VPS13B: variants seen among roughly 807,000 people sequenced by gnomAD.
VPS13B encodes the protein vacuolar protein sorting 13 homolog B, also known as intermembrane lipid transfer protein VPS13B.
In VPS13B, 285 loss-of-function variants were observed where a neutral mutation model predicts 426.4. The ratio of observed to expected loss-of-function variants is 0.67; its 90% CI spans 0.61 to 0.74. The LOEUF (loss-of-function observed/expected upper bound fraction) is 0.74. Ranked by LOEUF, VPS13B falls within the 30% of genes least tolerant of loss-of-function variation. The probability of loss-of-function intolerance (pLI) is 0.00; values close to 1 mark genes in which losing one functional copy is unlikely to be tolerated. For synonymous variants in VPS13B, 1,676 were observed against 1,676.4 expected, an observed-to-expected ratio of 1.00 and a Z score of 0.01; for missense variants, 4,537 against 4,782.6, an observed-to-expected ratio of 0.95 and a Z score of 1.51.
At chr8:99,193,635 T>G (rs996714724) in intron 17 of VPS13B, among the ~76,000 whole-genome samples, 8 of 152,166 alleles carry the variant, frequency 5.3e-5, no homozygotes, top group African/African-American at 1.7e-4. Context: ...TAATGTTATG[T>G]TTGTCAGTAA....
In VPS13B at chr8:99,511,345, T is replaced by C; in HGVS notation, c.4466T>C (p.Ile1489Thr). 6.2e-7 allele frequency: 1 copy of C among 1,614,030 alleles called. No individual in the cohort carries two copies. Among genetic ancestry groups the C allele is most frequent in the Non-Finnish European group, 8.5e-7 (1 of 1,179,982 alleles). ...CCTTTACTTAATGCCATTGCAAGTA[T>C]ATTTCAAGCAAAACTACCAAAGACC... ...YFPLLNAIAS[I>T]FQAKLPKTQK... Residue 1489 changes from isoleucine to threonine, a missense_variant, in exon 29 of 62, where the codon ATA (isoleucine) becomes ACA (threonine). This residue lies in a region of VPS13B where 4,311 missense variants were observed against 4,474.3 expected (regional missense o/e 0.96). Transcript: ENST00000357162.
chr8:99,272,009 A>G (rs1279596014), intron 17 of VPS13B, among the ~76,000 whole-genome samples: 1 of 152,232 alleles, frequency 6.6e-6, no homozygotes, highest in Non-Finnish European at 1.5e-5. Flanking sequence ...TGCTTGTTAA[A>G]TGCAGAATTC....
chr8:99,840,164 G>A (rs1815608666), intron 54 of VPS13B, among the ~76,000 whole-genome samples: 1 of 152,198 alleles, frequency 6.6e-6, no homozygotes, highest in African/African-American at 2.4e-5. Flanking sequence ...GGTCTAACCA[G>A]CTATTAACTC....
chr8:99,032,209 C>T (rs932266733), intron 2 of VPS13B, among the ~76,000 whole-genome samples: 3 of 152,202 alleles, frequency 2.0e-5, no homozygotes, highest in African/African-American at 7.2e-5. Flanking sequence ...AGAAGATCTT[C>T]ATTACTTCCT....
intron 51 of VPS13B, 27 bp from the exon 52 acceptor site, chr8:99,832,342 T>A: frequency 3.0e-6 from 1 of 329,178 alleles, no homozygotes; most frequent in Non-Finnish European, 4.5e-6. Context: ...GCTCTCTGCA[T>A]TTTTTTTTTT....
At position 99,868,429 on chromosome 8, in the gene VPS13B, G is replaced by A. The variant is rs768255145; in HGVS notation, c.11356G>A (p.Gly3786Arg). The stretch of plus-strand genomic sequence containing the variant: ...CATGGGGGTGTTCACAAAGCCCATC[G>A]GAGGAGCTGCTGAGCTGGTGTCACA... ...GIMGVFTKPI[G>R]GAAELVSQTG... Residue 3786 changes from glycine (G) to arginine (R), a missense_variant, in exon 59 of 62, where the codon GGA becomes AGA. Gly to Arg is a moderately radical substitution (Grantham distance 125). Coordinates refer to ENST00000357162, the MANE Select transcript of VPS13B (RefSeq NM_152564.5). The A allele has an allele frequency of 8.1e-6, 13 of 1,613,794 alleles. No individual in the cohort carries two copies. The highest frequency in any genetic ancestry group is 2.2e-5 in the South Asian group (2 of 90,950).
At position 99,778,988 on chromosome 8, in the gene VPS13B, A is replaced by T. The variant is rs1345675196; in HGVS notation, c.7736A>T (p.His2579Leu). ...VDSVFVNLGQ[H>L]VVHSLNTAIQ... The stretch of plus-strand genomic sequence containing the variant: ...TCTGTATTTGTAAACCTTGGACAGC[A>T]TGTAGTCCATTCACTAAACACTGCA... The change falls in exon 42 of 62, where the codon CAT becomes CTT. Residue 2579 changes from histidine to leucine, a missense_variant. His to Leu is a moderately conservative substitution (Grantham distance 99). This residue lies in a region of VPS13B where 4,311 missense variants were observed against 4,474.3 expected (regional missense o/e 0.96). Coordinates refer to ENST00000357162, the MANE Select transcript of VPS13B (RefSeq NM_152564.5). 6.2e-7 allele frequency: 1 copy of T among 1,613,840 alleles called. No homozygotes were observed.
chr8:99,447,368 G>A (rs1375798447), intron 23 of VPS13B, among the ~76,000 whole-genome samples: 6 of 152,168 alleles, frequency 3.9e-5, no homozygotes, highest in African/African-American at 1.4e-4. Context: ...GTTTGTGAGA[G>A]GATCATATAA....
Position 99,154,986 on chromosome 8 carries a change from T to G in VPS13B, c.2014-1563T>G, listed in dbSNP as rs532455428. ...AATAGACTTAGAGATGATTAAGGTA[T>G]TAGAGTTGTTAGACATGGAGTTTAT... On this transcript the variant is annotated intron_variant, in intron 14 of 61. Coordinates refer to ENST00000357162, the MANE Select transcript of VPS13B (RefSeq NM_152564.5). Among the ~76,000 whole-genome samples, 3 of 151,964 alleles carry G rather than the reference T, an allele frequency of 2.0e-5. No individual in the cohort carries two copies. In the South Asian group the frequency reaches 6.2e-4, roughly 32 times the overall value.
At chr8:99,278,870 G>C (rs1351187387) in intron 19 of VPS13B, among the ~76,000 whole-genome samples, 1 of 152,174 alleles carries the variant, frequency 6.6e-6, no homozygotes, top group Non-Finnish European at 1.5e-5. Context: ...GACTAACTCT[G>C]ATTAACAGCA....
At chr8:99,820,190 G>A (rs556361191) in intron 49 of VPS13B, 68 bp downstream of exon 49, 76 of 1,468,622 alleles carry the variant, frequency 5.2e-5, no homozygotes, top group Admixed American at 1.2e-4. Flanking sequence ...GTAAAGTTGC[G>A]TTTATGATCT....
chr8:99,452,208 G>A (rs977568389), intron 23 of VPS13B, among the ~76,000 whole-genome samples: 3 of 152,122 alleles, frequency 2.0e-5, no homozygotes, highest in Admixed American at 6.6e-5. Context: ...TCCTATCACA[G>A]TGCCTTAGCA....
intron 15 of VPS13B, among the ~76,000 whole-genome samples, chr8:99,163,624 C>T (rs1489784368): frequency 2.6e-5 from 4 of 152,234 alleles, no homozygotes; most frequent in South Asian, 2.1e-4. Context: ...AGTACACCCT[C>T]GGCAGCCACT....
chr8:99,845,137 T>C (rs913340250), intron 54 of VPS13B, among the ~76,000 whole-genome samples: 1 of 152,208 alleles, frequency 6.6e-6, no homozygotes, highest in Non-Finnish European at 1.5e-5. Context: ...CAGGGTCTCC[T>C]GTTGTAGGAT....
chr8:99,601,095 A>G (rs1827277096), intron 33 of VPS13B, among the ~76,000 whole-genome samples: 1 of 151,838 alleles, frequency 6.6e-6, no homozygotes, highest in South Asian at 2.1e-4. Flanking sequence ...GGTTTGCTGC[A>G]CCCATCAACC....
At chr8:99,568,241 GA>G (rs36082841) in intron 31 of VPS13B, among the ~76,000 whole-genome samples, 1 of 150,190 alleles carries the variant, frequency 6.7e-6, no homozygotes, top group East Asian at 1.9e-4. Context: ...TGCTCTTGTT[GA>G]AAAAAAAGCC....
chr8:99,697,221 C>A, intron 35 of VPS13B: 1 of 569,726 alleles, frequency 1.8e-6, no homozygotes, highest in Non-Finnish European at 3.2e-6. Context: ...CAAGGTAAAG[C>A]TGGAGGTCAC....
Position 99,721,040 on chromosome 8 carries a change from T to C in VPS13B, c.7043T>C (p.Val2348Ala). 6.2e-7 allele frequency: 1 copy of C among 1,613,972 alleles called. No homozygotes were observed. The highest frequency in any genetic ancestry group is 8.5e-7 in the Non-Finnish European group (1 of 1,179,914). ...PDISTADLGD[V>A]LQVPCSLEYW... ...ATTAGCACAGCAGACCTTGGTGATG[T>C]GCTACAGGTATGTAATGACCATTCA... Residue 2348 changes from valine (V) to alanine (A), a missense_variant, in exon 39 of 62, where the codon GTG (valine) becomes GCG (alanine). Coordinates refer to ENST00000357162, the MANE Select transcript of VPS13B (RefSeq NM_152564.5).
chr8:99,592,247 C>T (rs575233591), intron 33 of VPS13B, among the ~76,000 whole-genome samples: 3 of 152,012 alleles, frequency 2.0e-5, no homozygotes, highest in Non-Finnish European at 4.4e-5. Flanking sequence ...AGCTTCCTTG[C>T]GATGCATTCG....
Sources: gnomAD v4.1 joint callset for allele counts (sites outside exome capture counted in the v4.1 genomes callset) on GRCh38, gnomAD v4.1.1 for gene constraint, gnomAD v4.1.1 regional missense constraint, MANE v1.5 for transcripts, NCBI Gene and HGNC (gene_info 2026-07-23, HGNC 2026-07-21) for gene names.